The following TSHZ3 variants were observed in gnomAD, a reference collection of about 807,000 sequenced individuals.
TSHZ3 encodes the protein teashirt homolog 3.
A neutral mutation model predicts 64.5 loss-of-function variants in TSHZ3; 10 were observed. The observed-to-expected ratio is 0.16, with a 90% CI of 0.10 to 0.26. TSHZ3 has a LOEUF of 0.26. TSHZ3 is among the 10% of genes least tolerant of loss of function. TSHZ3 has a pLI of 1.00. For missense variants in TSHZ3, 1,242 were observed against 1,421.7 expected (o/e 0.87, Z 2.03); for synonymous variants, 608 against 593.1 (o/e 1.03, Z -0.36).
At chr19:31,176,983 T>A (rs999721765) in intron 5 of TSHZ3, among the ~76,000 whole-genome samples, 3 of 152,126 alleles carry the variant, frequency 2.0e-5, no homozygotes, top group Admixed American at 2.0e-4. Context: ...GTATCTACCA[T>A]GTGTACCCTC....
chr19:31,306,700 GGTTT>G (rs1916308885), intron 1 of TSHZ3, among the ~76,000 whole-genome samples: 1 of 152,052 alleles, frequency 6.6e-6, no homozygotes, highest in Admixed American at 6.5e-5. Context: ...CCCTGGGCTA[GGTTT>G]GTTTGCTTCT....
chr19:31,320,676 C>T (rs149827020), intron 1 of TSHZ3, among the ~76,000 whole-genome samples: 136 of 152,260 alleles, frequency 8.9e-4, no homozygotes, highest in Middle Eastern at 3.4e-3. Context: ...CGGTCAGGTG[C>T]GGGTCCAAGA....
At chr19:31,325,372 G>A in intron 1 of TSHZ3, among the ~76,000 whole-genome samples, 1 of 152,212 alleles carries the variant, frequency 6.6e-6, no homozygotes, top group East Asian at 1.9e-4. Context: ...CCTATTTGCT[G>A]TCACCCAGAG....
chr19:31,221,358 G>GCTCC (rs1975393128), intron 4 of TSHZ3, among the ~76,000 whole-genome samples: 1 of 152,190 alleles, frequency 6.6e-6, no homozygotes, highest in African/African-American at 2.4e-5. Flanking sequence ...ACACAGGAGT[G>GCTCC]TCAAGGAATA....
At chr19:31,203,315 A>T (rs1384584368) in intron 5 of TSHZ3, among the ~76,000 whole-genome samples, 2 of 152,148 alleles carry the variant, frequency 1.3e-5, no homozygotes, top group Non-Finnish European at 2.9e-5. Flanking sequence ...TGGCAGGAAG[A>T]GTGAAGGATA....
Position 31,238,646 on chromosome 19 carries a change from C to T in TSHZ3, n.550+3623G>A, listed in dbSNP as rs115296804. 6.0e-3 allele frequency among the ~76,000 whole-genome samples: 917 copies of T among 152,236 alleles called. 12 individuals are homozygous for T. The highest frequency in any genetic ancestry group is 0.021 in the African/African-American group (876 of 41,536). ...TGTTCCTTTAATCATTGTCTAATGC[C>T]CGTATTTATCTCTTACTCTTTGTCT... On this transcript the variant is annotated intron_variant and non_coding_transcript_variant, in intron 3 of 6. Coordinates refer to the TSHZ3 transcript ENST00000651361.
intron 1 of TSHZ3, among the ~76,000 whole-genome samples, chr19:31,262,688 T>G (rs2145199814): frequency 6.6e-6 from 1 of 152,330 alleles, no homozygotes; most frequent in South Asian, 2.1e-4. Flanking sequence ...CCATAAACTG[T>G]TCCTATATTT....
At chr19:31,244,748 A>T (rs1437422972) in intron 1 of TSHZ3, among the ~76,000 whole-genome samples, 3 of 152,074 alleles carry the variant, frequency 2.0e-5, no homozygotes, top group Admixed American at 1.3e-4. Context: ...GGTTCAAGTG[A>T]TGCTCCCACT....
chr19:31,332,496 T>C (rs183862587), intron 1 of TSHZ3, among the ~76,000 whole-genome samples: 2 of 152,036 alleles, frequency 1.3e-5, no homozygotes, highest in Non-Finnish European at 2.9e-5. Context: ...CGACCCCTCA[T>C]CAGATGTGAT....
At chr19:31,204,432 T>G (rs1327410008) in intron 5 of TSHZ3, among the ~76,000 whole-genome samples, 1 of 151,408 alleles carries the variant, frequency 6.6e-6, no homozygotes, top group African/African-American at 2.4e-5. Context: ...CCCTCTCTCC[T>G]TCTTTCTTTC....
At chr19:31,329,944 TG>T (rs1917032499) in intron 1 of TSHZ3, among the ~76,000 whole-genome samples, 1 of 152,064 alleles carries the variant, frequency 6.6e-6, no homozygotes, top group Admixed American at 6.5e-5. Flanking sequence ...CTCATTCTAA[TG>T]GAAAAAAGAG....
At chr19:31,273,480 A>C (rs931151509), downstream of TSHZ3, among the ~76,000 whole-genome samples, 5 of 152,136 alleles carry the variant, frequency 3.3e-5, no homozygotes, top group Non-Finnish European at 5.9e-5. Flanking sequence ...AACTGTCAAG[A>C]GCGGGGTTCC....
chr19:31,227,791 T>G (rs1975489051), intron 4 of TSHZ3, among the ~76,000 whole-genome samples: 1 of 152,220 alleles, frequency 6.6e-6, no homozygotes, highest in Non-Finnish European at 1.5e-5. Flanking sequence ...CTATCCCTGC[T>G]GTCCCCAAAT....
chr19:31,294,819 T>C (rs58978448), intron 1 of TSHZ3, among the ~76,000 whole-genome samples: 1,747 of 151,964 alleles, frequency 0.011, 27 homozygotes, highest in African/African-American at 0.039. Context: ...CACCTTACCA[T>C]CCATCACAAG....
At chr19:31,221,253 G>C (rs1271357157) in intron 4 of TSHZ3, among the ~76,000 whole-genome samples, 1 of 152,182 alleles carries the variant, frequency 6.6e-6, no homozygotes, top group East Asian at 1.9e-4. Flanking sequence ...TCTTTTGGTG[G>C]TGGATAGAAA....
chr19:31,267,474 C>T (rs901597058), intron 1 of TSHZ3, among the ~76,000 whole-genome samples: 1 of 152,142 alleles, frequency 6.6e-6, no homozygotes, highest in Non-Finnish European at 1.5e-5. Context: ...CACTCCTTCC[C>T]CTACCCGTGT....
At chr19:31,282,976 T>C (rs1206548450) in intron 1 of TSHZ3, among the ~76,000 whole-genome samples, 1 of 152,144 alleles carries the variant, frequency 6.6e-6, no homozygotes, top group African/African-American at 2.4e-5. Context: ...GATCTGAAGG[T>C]GAGAAGTATT....
Position 31,278,592 on chromosome 19 carries a change from G to A in TSHZ3, c.1201C>T (p.Leu401Phe). 1 of 1,614,204 alleles carries A rather than the reference G, an allele frequency of 6.2e-7. No homozygotes were observed. Among genetic ancestry groups the A allele is most frequent in the Non-Finnish European group, 8.5e-7 (1 of 1,180,032 alleles). ...CCAGTGACCATCATGTGGGCAGTGAGCTCCTGCAGGGTGTCATGCGAGCTC... is the reference window on the plus strand; with the variant it reads ...CCAGTGACCATCATGTGGGCAGTGAACTCCTGCAGGGTGTCATGCGAGCTC... ...CGSSHDTLQE[L>F]TAHMMVTGHF... The change falls in exon 2 of 2, where the codon CTC becomes TTC. Residue 401 changes from leucine to phenylalanine, a missense_variant. Physicochemically the swap from Leu to Phe is conservative, Grantham distance 22 (BLOSUM62 0). Around this residue, in one of 4 missense-constraint regions of TSHZ3, gnomAD observed 555 missense variants for 704.0 expected, o/e 0.79. Transcript: ENST00000240587. The surrounding 1 kb of genome is among the most constrained non-coding windows in gnomAD (Gnocchi z 4.7).
At chr19:31,197,916 A>G (rs1482664851) in intron 5 of TSHZ3, among the ~76,000 whole-genome samples, 2 of 152,084 alleles carry the variant, frequency 1.3e-5, no homozygotes, top group African/African-American at 2.4e-5. Context: ...TCAAAAGTAG[A>G]AGCCCAGGAA....
Sources: allele counts gnomAD v4.1 joint callset (sites outside exome capture counted in the v4.1 genomes callset), GRCh38; gene constraint gnomAD v4.1.1; regional missense constraint gnomAD v4.1.1; non-coding constraint Gnocchi (gnomAD v3.1); transcripts MANE v1.5; gene names NCBI Gene and HGNC (gene_info 2026-07-23, HGNC 2026-07-21).